Variants in SWAP70 observed in about 807,000 individuals in gnomAD.
SWAP70 encodes switch-associated protein 70.
In SWAP70, 34 loss-of-function variants were observed where a neutral mutation model predicts 80.2. The ratio of observed to expected loss-of-function variants is 0.42; its 90% CI spans 0.32 to 0.56. The LOEUF (loss-of-function observed/expected upper bound fraction) is 0.56. SWAP70 is among the 20% of genes least tolerant of loss of function. SWAP70 has a pLI of 0.09. For missense variants in SWAP70, 578 were observed against 690.7 expected, an observed-to-expected ratio of 0.84 and a Z score of 1.83; for synonymous variants, 239 against 238.5, an observed-to-expected ratio of 1.00 and a Z score of -0.02.
intron 3 of SWAP70, among the ~76,000 whole-genome samples, chr11:9,720,882 C>G (rs890933236): frequency 6.6e-6 from 1 of 152,192 alleles, no homozygotes; most frequent in Non-Finnish European, 1.5e-5. Context: ...GTGGCGCGAT[C>G]TTGGCTCACT....
At chr11:9,698,480 C>A (rs1850790153) in intron 2 of SWAP70, among the ~76,000 whole-genome samples, 1 of 152,170 alleles carries the variant, frequency 6.6e-6, no homozygotes, top group African/African-American at 2.4e-5. Context: ...TCTCGGCTCA[C>A]TGTGTCCTCT....
chr11:9,694,033 G>C, intron 1 of SWAP70, 113 bp from the exon 2 acceptor site: 1 of 1,347,972 alleles, frequency 7.4e-7, no homozygotes, highest in Non-Finnish European at 9.8e-7. Flanking sequence ...GTTTTTGCTA[G>C]TTTATTTTCC....
chr11:9,720,066 A>C (rs1851115431), intron 3 of SWAP70: 1 of 985,288 alleles, frequency 1.0e-6, no homozygotes, highest in Admixed American at 6.1e-5. Flanking sequence ...ATGAGCTCTT[A>C]GAATTGATGC....
chr11:9,715,708 C>T (rs778376725), intron 3 of SWAP70, among the ~76,000 whole-genome samples: 28 of 152,296 alleles, frequency 1.8e-4, no homozygotes, highest in East Asian at 3.9e-4. Flanking sequence ...GAGACTTATT[C>T]GCTATTACGA....
chr11:9,727,110 G>A (rs1204998630), intron 4 of SWAP70, among the ~76,000 whole-genome samples: 1 of 152,094 alleles, frequency 6.6e-6, no homozygotes, highest in African/African-American at 2.4e-5. Context: ...AAAAATTTTG[G>A]CTGGACGTGG....
At chr11:9,682,314 G>C (rs971466607) in intron 1 of SWAP70, among the ~76,000 whole-genome samples, 1 of 152,180 alleles carries the variant, frequency 6.6e-6, no homozygotes, top group African/African-American at 2.4e-5. Flanking sequence ...TGGACAAACT[G>C]TATGAAAAAG....
At chr11:9,728,000 C>A in intron 4 of SWAP70, 53 bp from the exon 5 acceptor site, 3 of 1,468,226 alleles carry the variant, frequency 2.0e-6, no homozygotes, top group Non-Finnish European at 2.7e-6. Context: ...GAAGAGATGT[C>A]AGCTCTTACA....
rs150648085 is a variant in SWAP70 at position 9,694,172 on chromosome 11, G to A, written c.126G>A (p.Val42=). The change falls in exon 2 of 12, where the codon GTG becomes GTA. Residue 42 remains valine, a synonymous_variant. Coordinates refer to ENST00000318950, the MANE Select transcript of SWAP70 (RefSeq NM_015055.4). ...TCCTTTCCCATAACCTGTGCACGGT[G>A]CTGAAGGTTCCTCATGACCCAGTTG... ...LKVLSHNLCT[V]LKVPHDPVAL... is the part of the protein sequence containing the mutation. 6 of 1,612,168 alleles carry A rather than the reference G, an allele frequency of 3.7e-6. No homozygotes were observed. In the African/African-American group the frequency reaches 6.7e-5, roughly 18 times the overall value.
intron 1 of SWAP70, among the ~76,000 whole-genome samples, chr11:9,688,199 G>A (rs1850655354): frequency 1.3e-5 from 2 of 152,226 alleles, no homozygotes; most frequent in African/African-American, 4.8e-5. Flanking sequence ...TCACTTAGCA[G>A]TTATTGAAAG....
chr11:9,692,611 A>T (rs182646596), intron 1 of SWAP70, among the ~76,000 whole-genome samples: 1 of 152,314 alleles, frequency 6.6e-6, no homozygotes, highest in African/African-American at 2.4e-5. Flanking sequence ...TAAAATTTGA[A>T]TGACATTTGA....
intron 1 of SWAP70, among the ~76,000 whole-genome samples, chr11:9,687,433 T>C (rs1180613685): frequency 6.6e-6 from 1 of 152,240 alleles, no homozygotes; most frequent in East Asian, 1.9e-4. Flanking sequence ...TCTATTCGTG[T>C]CCACAAGAAT....
chr11:9,715,770 C>G (rs1211751026), intron 3 of SWAP70, among the ~76,000 whole-genome samples: 1 of 152,202 alleles, frequency 6.6e-6, no homozygotes, highest in Admixed American at 6.5e-5. Context: ...CCCACCAGGT[C>G]CCTCTCACAA....
chr11:9,686,648 C>T (rs937693177), intron 1 of SWAP70, among the ~76,000 whole-genome samples: 4 of 152,034 alleles, frequency 2.6e-5, no homozygotes, highest in African/African-American at 9.7e-5. Context: ...TGTGCCTGGC[C>T]TGTAGTCTCT....
At chr11:9,670,734 T>A (rs778411107) in intron 1 of SWAP70, among the ~76,000 whole-genome samples, 5 of 151,946 alleles carry the variant, frequency 3.3e-5, no homozygotes, top group South Asian at 2.1e-4. Context: ...GAGTTAATTT[T>A]TTATTATTAT....
At chr11:9,666,196 G>A (rs1316706444) in intron 1 of SWAP70, among the ~76,000 whole-genome samples, 1 of 150,612 alleles carries the variant, frequency 6.6e-6, no homozygotes. Context: ...AGAGATTCTC[G>A]TGCCTCAGCC....
At chr11:9,738,355 T>C (rs1851391424) in intron 8 of SWAP70, 35 bp downstream of exon 8, 1 of 1,505,560 alleles carries the variant, frequency 6.6e-7, no homozygotes, top group Admixed American at 2.0e-5. Context: ...GCAGCTGCAG[T>C]AGCTCAGCCT....
At position 9,716,696 on chromosome 11, in the gene SWAP70, G is replaced by C. The variant is rs138519190; in HGVS notation, c.414+3057G>C. Among the ~76,000 whole-genome samples, 430 of 152,316 alleles carry C rather than the reference G, an allele frequency of 2.8e-3. 1 individual carries two copies. Among genetic ancestry groups the C allele is most frequent in the Non-Finnish European group, 4.0e-3 (270 of 68,026 alleles). ...AATCTGGGACATATTGCATGGTGGTGGGTTTGGTACATTTGGGATTTTAGG... is the reference window on the plus strand; with the variant it reads ...AATCTGGGACATATTGCATGGTGGTCGGTTTGGTACATTTGGGATTTTAGG... On this transcript the variant is annotated intron_variant, in intron 3 of 11. Coordinates refer to ENST00000318950, the MANE Select transcript of SWAP70 (RefSeq NM_015055.4).
chr11:9,664,362 G>A, intron 1 of SWAP70, 84 bp downstream of exon 1: 2 of 1,444,980 alleles, frequency 1.4e-6, no homozygotes, highest in Non-Finnish European at 1.9e-6. Context: ...GACCTGGCGG[G>A]CCGTGACCGC....
At chr11:9,689,028 G>A (rs1199802650) in intron 1 of SWAP70, among the ~76,000 whole-genome samples, 1 of 152,124 alleles carries the variant, frequency 6.6e-6, no homozygotes, top group African/African-American at 2.4e-5. Context: ...CCCATTATGA[G>A]TTATAAGTCT....
Sources: allele counts gnomAD v4.1 joint callset (sites outside exome capture counted in the v4.1 genomes callset), GRCh38; gene constraint gnomAD v4.1.1; transcripts MANE v1.5; gene names NCBI Gene and HGNC (gene_info 2026-07-23, HGNC 2026-07-21).